SCLT1: variants seen among roughly 807,000 people sequenced by gnomAD.
SCLT1 encodes the protein sodium channel-associated protein 1.
Under a neutral mutation model 112.8 loss-of-function variants are expected in SCLT1, and 78 were observed. That is an observed-to-expected ratio of 0.69 (90% confidence interval 0.58 to 0.83). The LOEUF (loss-of-function observed/expected upper bound fraction) is 0.83, where lower values mean the gene tolerates loss of function less well. Ranked by LOEUF, SCLT1 falls within the 40% of genes least tolerant of loss-of-function variation. SCLT1 has a pLI of 0.00. For missense variants in SCLT1, 747 were observed against 770.4 expected, an observed-to-expected ratio of 0.97 and a Z score of 0.36; for synonymous variants, 257 against 254.7, an observed-to-expected ratio of 1.01 and a Z score of -0.09.
chr4:129,059,320 G>A (rs1457114089), intron 2 of SCLT1, among the ~76,000 whole-genome samples: 1 of 151,950 alleles, frequency 6.6e-6, no homozygotes, highest in Admixed American at 6.6e-5. Flanking sequence ...CTGTCACTTT[G>A]TTATTTGTTT....
At chr4:128,931,888 A>G (rs1435724831) in intron 18 of SCLT1, among the ~76,000 whole-genome samples, 1 of 151,128 alleles carries the variant, frequency 6.6e-6, no homozygotes, top group Non-Finnish European at 1.5e-5. Flanking sequence ...CTTATTTCTT[A>G]CCTTCAACTC....
chr4:128,938,879 G>T (rs1166172676), intron 17 of SCLT1, among the ~76,000 whole-genome samples: 1 of 152,166 alleles, frequency 6.6e-6, no homozygotes, highest in African/African-American at 2.4e-5. Context: ...CTACTCAGGA[G>T]GGTGAGGCAG....
intron 13 of SCLT1, among the ~76,000 whole-genome samples, chr4:128,956,476 A>C (rs1022772182): frequency 3.3e-5 from 5 of 152,076 alleles, no homozygotes; most frequent in African/African-American, 1.2e-4. Context: ...TTAAATTAAA[A>C]ATTTTATCTT....
intron 2 of SCLT1, among the ~76,000 whole-genome samples, chr4:129,072,379 C>A (rs966462879): frequency 1.3e-5 from 2 of 152,178 alleles, no homozygotes; most frequent in African/African-American, 4.8e-5. Context: ...AAGTTTTCCT[C>A]AATTATTCCC....
rs182066989 is a variant in SCLT1, at chr4:128,926,604, G to A, written c.1829+10051C>T. ...TAAGGAAAGTAGTCCCAGATGGAAT[G>A]TATGAGAATAGTATTGTTCATATAT... On this transcript the variant is annotated intron_variant, in intron 18 of 20. Transcript: ENST00000281142. Among the ~76,000 whole-genome samples the A allele has an allele frequency of 4.3e-4, 66 of 152,240 alleles. 1 individual carries two copies. Among genetic ancestry groups the A allele is most frequent in the Non-Finnish European group, 1.9e-4 (13 of 68,010 alleles).
intron 11 of SCLT1, among the ~76,000 whole-genome samples, chr4:128,961,679 G>A (rs1739745415): frequency 6.6e-6 from 1 of 152,044 alleles, no homozygotes; most frequent in African/African-American, 2.4e-5. Flanking sequence ...TAATCTGTAG[G>A]AATCCTGAGG....
intron 2 of SCLT1, among the ~76,000 whole-genome samples, chr4:129,068,856 T>C (rs1750729088): frequency 1.3e-5 from 2 of 152,214 alleles, no homozygotes; most frequent in Non-Finnish European, 2.9e-5. Context: ...CCTAAGCCAA[T>C]GTCTAGAAGG....
intron 18 of SCLT1, among the ~76,000 whole-genome samples, chr4:128,919,500 C>G (rs947585353): frequency 6.6e-6 from 1 of 151,664 alleles, no homozygotes; most frequent in African/African-American, 2.4e-5. Flanking sequence ...AACATCACAC[C>G]TAGAGGAACA....
chr4:129,089,455 C>G (rs1330446037), intron 1 of SCLT1, among the ~76,000 whole-genome samples: 1 of 152,188 alleles, frequency 6.6e-6, no homozygotes, highest in African/African-American at 2.4e-5. Context: ...GACAGTGTGG[C>G]GATTCCTCAA....
intron 5 of SCLT1, among the ~76,000 whole-genome samples, chr4:129,033,502 TAAAAAA>T (rs56325033): frequency 2.9e-4 from 13 of 44,312 alleles, no homozygotes; most frequent in South Asian, 2.6e-3. Context: ...GAACTTAAAG[TAAAAAA>T]AAAAAAAAAA....
intron 8 of SCLT1, among the ~76,000 whole-genome samples, chr4:128,995,526 C>T (rs1290930513): frequency 2.0e-5 from 3 of 151,964 alleles, no homozygotes; most frequent in Admixed American, 6.6e-5. Flanking sequence ...TGCTCACGTC[C>T]GTACATTAGA....
At chr4:129,021,864 C>A (rs1560975182) in intron 5 of SCLT1, among the ~76,000 whole-genome samples, 1 of 152,216 alleles carries the variant, frequency 6.6e-6, no homozygotes, top group Non-Finnish European at 1.5e-5. Flanking sequence ...TCCCATGCCT[C>A]CTGACAGGGA....
intron 2 of SCLT1, among the ~76,000 whole-genome samples, chr4:129,068,138 T>C (rs753428095): frequency 1.3e-5 from 2 of 152,162 alleles, no homozygotes; most frequent in Non-Finnish European, 2.9e-5. Flanking sequence ...TTGTCTCCAA[T>C]CTCATCCAGG....
At chr4:128,979,500 C>T (rs931279503) in intron 9 of SCLT1, among the ~76,000 whole-genome samples, 1 of 152,092 alleles carries the variant, frequency 6.6e-6, no homozygotes, top group Non-Finnish European at 1.5e-5. Context: ...CCAAATCTGC[C>T]ATTTTCTTAA....
At chr4:129,048,902 G>C (rs1267620063) in intron 2 of SCLT1, among the ~76,000 whole-genome samples, 1 of 152,122 alleles carries the variant, frequency 6.6e-6, no homozygotes, top group Non-Finnish European at 1.5e-5. Context: ...CTGGCCATCA[G>C]AGAAATGCAA....
At chr4:128,891,492 T>A (rs1015465545) in intron 18 of SCLT1, among the ~76,000 whole-genome samples, 2 of 152,098 alleles carry the variant, frequency 1.3e-5, no homozygotes, top group Non-Finnish European at 2.9e-5. Flanking sequence ...AAAAGCAAAA[T>A]AAAAATACAT....
intron 18 of SCLT1, among the ~76,000 whole-genome samples, chr4:128,891,645 T>C (rs1002132421): frequency 1.5e-3 from 113 of 76,870 alleles, no homozygotes; most frequent in African/African-American, 4.2e-3. Context: ...ATAATATGCT[T>C]TTTTTTTTTT....
At chr4:128,885,221 A>G (rs1411451508) in intron 20 of SCLT1, among the ~76,000 whole-genome samples, 1 of 152,218 alleles carries the variant, frequency 6.6e-6, no homozygotes, top group African/African-American at 2.4e-5. Flanking sequence ...AAATGTTAGT[A>G]GGAATTAATA....
intron 2 of SCLT1, among the ~76,000 whole-genome samples, chr4:129,051,375 A>G (rs1285867390): frequency 6.6e-6 from 1 of 152,134 alleles, no homozygotes; most frequent in Non-Finnish European, 1.5e-5. Context: ...ATGTTTTTCC[A>G]TTGGTTTGTG....
Sources: gnomAD v4.1 joint callset for allele counts (sites outside exome capture counted in the v4.1 genomes callset) on GRCh38, gnomAD v4.1.1 for gene constraint, MANE v1.5 for transcripts, NCBI Gene and HGNC (gene_info 2026-07-23, HGNC 2026-07-21) for gene names.